The following RUNDC3B variants were observed in gnomAD, a reference collection of about 807,000 sequenced individuals.
RUNDC3B encodes RUN domain-containing protein 3B.
Under a neutral mutation model 58.4 loss-of-function variants are expected in RUNDC3B, and 33 were observed. That is an observed-to-expected ratio of 0.56 (90% CI 0.43 to 0.75). The LOEUF is 0.75. Ranked by LOEUF, RUNDC3B falls within the 30% of genes least tolerant of loss-of-function variation. The probability of loss-of-function intolerance (pLI) is 0.00; values close to 1 mark genes in which losing one functional copy is unlikely to be tolerated. For synonymous variants in RUNDC3B, 193 were observed against 195.2 expected, an observed-to-expected ratio of 0.99 and a Z score of 0.10; for missense variants, 501 against 535.7, an observed-to-expected ratio of 0.94 and a Z score of 0.64.
chr7:87,719,126 AAC>A (rs1435340438), intron 4 of RUNDC3B, among the ~76,000 whole-genome samples: 1 of 152,058 alleles, frequency 6.6e-6, no homozygotes, highest in Non-Finnish European at 1.5e-5. Context: ...GTAACATAAT[AAC>A]ACATAAAATC....
At chr7:87,785,083 C>T (rs1835135506) in intron 8 of RUNDC3B, among the ~76,000 whole-genome samples, 1 of 152,024 alleles carries the variant, frequency 6.6e-6, no homozygotes, top group African/African-American at 2.4e-5. Context: ...ATTTATAGCT[C>T]GTGTGGTGCC....
chr7:87,787,709 A>G (rs1325198802), intron 8 of RUNDC3B, among the ~76,000 whole-genome samples: 3 of 152,156 alleles, frequency 2.0e-5, no homozygotes, highest in Non-Finnish European at 2.9e-5. Flanking sequence ...GAGATAACAT[A>G]CTCACTTTGT....
At chr7:87,659,882 C>G (rs557727118) in intron 2 of RUNDC3B, among the ~76,000 whole-genome samples, 1 of 152,140 alleles carries the variant, frequency 6.6e-6, no homozygotes, top group African/African-American at 2.4e-5. Flanking sequence ...CAGAAGTTGC[C>G]TTTATTTTTT....
At chr7:87,634,499 G>T (rs1293914372) in intron 1 of RUNDC3B, among the ~76,000 whole-genome samples, 89 of 136,018 alleles carry the variant, frequency 6.5e-4, no homozygotes, top group African/African-American at 2.3e-3. Context: ...GGGGGTGGGG[G>T]GGGGGGCACC....
intron 6 of RUNDC3B, among the ~76,000 whole-genome samples, chr7:87,741,849 A>G (rs1832343753): frequency 7.3e-6 from 1 of 137,926 alleles, no homozygotes. Flanking sequence ...TGTAGTCATT[A>G]TAATAACTTT....
At chr7:87,815,125 C>T (rs957176365) in intron 9 of RUNDC3B, among the ~76,000 whole-genome samples, 10 of 151,770 alleles carry the variant, frequency 6.6e-5, no homozygotes, top group Admixed American at 5.9e-4. Flanking sequence ...CGTGAATTAA[C>T]ATAAAATGGA....
At chr7:87,688,753 C>A (rs1424478480) in intron 2 of RUNDC3B, among the ~76,000 whole-genome samples, 1 of 151,902 alleles carries the variant, frequency 6.6e-6, no homozygotes, top group Non-Finnish European at 1.5e-5. Flanking sequence ...TTTTATAACA[C>A]AATTCTCATA....
chr7:87,632,713 T>C (rs1821348859), intron 1 of RUNDC3B, among the ~76,000 whole-genome samples: 1 of 152,202 alleles, frequency 6.6e-6, no homozygotes, highest in African/African-American at 2.4e-5. Context: ...TTTCTGTCCT[T>C]TATAAGCTTC....
chr7:87,687,893 A>G (rs575501187), intron 2 of RUNDC3B, among the ~76,000 whole-genome samples: 206 of 152,330 alleles, frequency 1.4e-3, no homozygotes, highest in Middle Eastern at 6.8e-3. Flanking sequence ...ACAATGGATA[A>G]TCATAAACCT....
chr7:87,679,753 G>A (rs1485859675), intron 2 of RUNDC3B, among the ~76,000 whole-genome samples: 3 of 149,898 alleles, frequency 2.0e-5, no homozygotes, highest in Admixed American at 6.7e-5. Flanking sequence ...TATTCTTTTC[G>A]AGGGCAAGTG....
chr7:87,796,387 C>T (rs1835821696), intron 8 of RUNDC3B, among the ~76,000 whole-genome samples: 1 of 151,832 alleles, frequency 6.6e-6, no homozygotes, highest in African/African-American at 2.4e-5. Context: ...TGAATAAGAC[C>T]TAGTATTTGA....
At chr7:87,805,983 GT>G (rs1836415299) in intron 8 of RUNDC3B, among the ~76,000 whole-genome samples, 1 of 152,078 alleles carries the variant, frequency 6.6e-6, no homozygotes, top group Non-Finnish European at 1.5e-5. Flanking sequence ...AAGCTTTACT[GT>G]TTTCATTTTT....
chr7:87,687,600 C>G (rs964494730), intron 2 of RUNDC3B, among the ~76,000 whole-genome samples: 1 of 152,102 alleles, frequency 6.6e-6, no homozygotes, highest in African/African-American at 2.4e-5. Flanking sequence ...AGAGCAGTGC[C>G]TACGATATGG....
chr7:87,781,506 A>G (rs556012657), intron 8 of RUNDC3B, among the ~76,000 whole-genome samples: 1 of 151,984 alleles, frequency 6.6e-6, no homozygotes, highest in South Asian at 2.1e-4. Flanking sequence ...TCTGGCTAGG[A>G]CTTCTAGTAC....
At chr7:87,752,406 G>C (rs895856462) in intron 6 of RUNDC3B, among the ~76,000 whole-genome samples, 4 of 152,108 alleles carry the variant, frequency 2.6e-5, no homozygotes, top group Non-Finnish European at 5.9e-5. Context: ...AGTTAGGGAG[G>C]ATTCCCTCTT....
intron 4 of RUNDC3B, among the ~76,000 whole-genome samples, chr7:87,725,750 CTGT>C (rs1831190419): frequency 6.6e-6 from 1 of 152,176 alleles, no homozygotes; most frequent in Admixed American, 6.5e-5. Context: ...TCTCCAGCAC[CTGT>C]TGTTTCCTGA....
intron 2 of RUNDC3B, among the ~76,000 whole-genome samples, chr7:87,697,749 C>T (rs117327090): frequency 0.017 from 2,621 of 152,298 alleles, 25 homozygotes; most frequent in South Asian, 0.036. Context: ...ATCCTTACAA[C>T]AGTACTATCC....
chr7:87,672,869 A>G (rs111741511), intron 2 of RUNDC3B, among the ~76,000 whole-genome samples: 4,731 of 152,032 alleles, frequency 0.031, 73 homozygotes, highest in Middle Eastern at 0.048. Flanking sequence ...TTCATTCTCC[A>G]TGGGTCAAGT....
At chr7:87,664,859 A>G (rs998366198) in intron 2 of RUNDC3B, among the ~76,000 whole-genome samples, 1 of 152,210 alleles carries the variant, frequency 6.6e-6, no homozygotes, top group East Asian at 1.9e-4. Context: ...AGATAAATTT[A>G]TAGATTCAAG....
Sources: allele counts gnomAD v4.1 joint callset (sites outside exome capture counted in the v4.1 genomes callset), GRCh38; gene constraint gnomAD v4.1.1; transcripts MANE v1.5; gene names NCBI Gene and HGNC (gene_info 2026-07-23, HGNC 2026-07-21).